Variants in TRDN observed in about 807,000 individuals in gnomAD.
The protein encoded by TRDN is triadin in skeletal muscle.
A neutral mutation model predicts 149.7 loss-of-function variants in TRDN; 161 were observed. That is an observed-to-expected ratio of 1.08 (90% CI 0.95 to 1.23). TRDN has a LOEUF of 1.23. Ranked by LOEUF, TRDN falls within the 50% of genes most tolerant of loss-of-function variation. The pLI is 0.00. For missense variants in TRDN, 896 were observed against 823.5 expected (o/e 1.09, Z -1.08); for synonymous variants, 294 against 250.5 (o/e 1.17, Z -1.64).
intron 12 of TRDN, chr6:123,437,253 T>C (rs1466796092): frequency 4.3e-6 from 1 of 231,292 alleles, no homozygotes; most frequent in African/African-American, 2.3e-5. Context: ...GTCCTCACCT[T>C]GATTAAACTT....
rs545593157 is a variant in TRDN at position 123,234,041 on chromosome 6, A to C, written c.1976-9910T>G. ...TGAATATTATTATTCAAAATTTAAA[A>C]ATAAAGCTATTGAAGCACAAAAATG... On this transcript the variant is annotated intron_variant, in intron 38 of 40. Coordinates refer to ENST00000334268, the MANE Select transcript of TRDN (RefSeq NM_006073.4). 2.6e-4 allele frequency among the ~76,000 whole-genome samples: 40 copies of C among 152,172 alleles called. 1 individual carries two copies. In the South Asian group the frequency reaches 8.3e-3, roughly 32 times the overall value.
chr6:123,235,047 G>A (rs1775735279), intron 38 of TRDN, among the ~76,000 whole-genome samples: 1 of 151,984 alleles, frequency 6.6e-6, no homozygotes, highest in Non-Finnish European at 1.5e-5. Context: ...GGATAGAATA[G>A]GTAGACAGCA....
chr6:123,478,257 A>G (rs1486229688), intron 9 of TRDN, among the ~76,000 whole-genome samples: 1 of 152,166 alleles, frequency 6.6e-6, no homozygotes, highest in Non-Finnish European at 1.5e-5. Flanking sequence ...AAGAAAAATC[A>G]CACATTTTTT....
intron 9 of TRDN, among the ~76,000 whole-genome samples, chr6:123,484,911 T>G (rs1023303133): frequency 1.2e-4 from 18 of 152,182 alleles, no homozygotes; most frequent in Admixed American, 1.0e-3. Context: ...CTGAAGCATT[T>G]TATCACAATG....
chr6:123,244,448 T>C (rs1302461708), intron 38 of TRDN, among the ~76,000 whole-genome samples: 3 of 152,000 alleles, frequency 2.0e-5, no homozygotes, highest in Non-Finnish European at 2.9e-5. Context: ...TCCTGAAGCA[T>C]ACACAAGTAT....
chr6:123,567,374 T>C (rs1390245351), intron 2 of TRDN, among the ~76,000 whole-genome samples: 1 of 152,240 alleles, frequency 6.6e-6, no homozygotes, highest in Admixed American at 6.5e-5. Flanking sequence ...ACCAATGGTA[T>C]GCTGGCAGAG....
intron 12 of TRDN, among the ~76,000 whole-genome samples, chr6:123,399,030 T>C (rs936400535): frequency 3.9e-5 from 6 of 152,192 alleles, no homozygotes; most frequent in African/African-American, 1.4e-4. Flanking sequence ...AACTTAGCAT[T>C]ATAGTGTTTA....
At chr6:123,607,589 A>G (rs1784581187) in intron 1 of TRDN, among the ~76,000 whole-genome samples, 2 of 152,136 alleles carry the variant, frequency 1.3e-5, no homozygotes, top group African/African-American at 4.8e-5. Context: ...GAATTTACAA[A>G]CATGTCATTT....
chr6:123,232,724 G>T (rs1269353959), intron 38 of TRDN, among the ~76,000 whole-genome samples: 7 of 151,964 alleles, frequency 4.6e-5, no homozygotes, highest in Non-Finnish European at 1.0e-4. Flanking sequence ...ATATACAAAA[G>T]AGTAAAAAGA....
intron 1 of TRDN, among the ~76,000 whole-genome samples, chr6:123,589,620 C>T (rs1783684439): frequency 6.6e-6 from 1 of 152,146 alleles, no homozygotes; most frequent in Admixed American, 6.5e-5. Context: ...TTAATCATTT[C>T]CTGCTGCTTT....
intron 20 of TRDN, among the ~76,000 whole-genome samples, chr6:123,360,021 T>C (rs1276270724): frequency 6.6e-6 from 1 of 152,040 alleles, no homozygotes; most frequent in Non-Finnish European, 1.5e-5. Flanking sequence ...TTTTAATTTA[T>C]TTTTTATTAT....
Position 123,454,884 on chromosome 6 carries a change from G to A in TRDN, c.931+10022C>T, listed in dbSNP as rs541633339. On this transcript the variant is annotated intron_variant, in intron 10 of 40. Coordinates refer to ENST00000334268, the MANE Select transcript of TRDN (RefSeq NM_006073.4). ...TGTCCCCGGGAAAATTGTCTTCCAGGAACCAGGTTCCTGGTGCCAAAAAGG... is the reference window on the plus strand; with the variant it reads ...TGTCCCCGGGAAAATTGTCTTCCAGAAACCAGGTTCCTGGTGCCAAAAAGG... Among the ~76,000 whole-genome samples the A allele has an allele frequency of 2.0e-5, 3 of 152,298 alleles. 1 individual carries two copies. In the South Asian group the frequency reaches 6.2e-4, roughly 32 times the overall value.
intron 9 of TRDN, among the ~76,000 whole-genome samples, chr6:123,465,744 G>A (rs2114713637): frequency 6.6e-6 from 1 of 152,158 alleles, no homozygotes; most frequent in South Asian, 2.1e-4. Flanking sequence ...TAAATTGCTT[G>A]CAAAACATTT....
chr6:123,398,040 C>A (rs1467011325), intron 12 of TRDN, among the ~76,000 whole-genome samples: 1 of 152,152 alleles, frequency 6.6e-6, no homozygotes, highest in African/African-American at 2.4e-5. Context: ...TGTCTCACTC[C>A]GTCGCCCAGG....
intron 12 of TRDN, among the ~76,000 whole-genome samples, chr6:123,398,760 T>A (rs1371711325): frequency 2.0e-5 from 3 of 152,180 alleles, no homozygotes; most frequent in Non-Finnish European, 4.4e-5. Context: ...CCTTTGGCCA[T>A]CCTGTGTGAC....
At chr6:123,413,847 T>C (rs1392244162) in intron 12 of TRDN, among the ~76,000 whole-genome samples, 1 of 152,088 alleles carries the variant, frequency 6.6e-6, no homozygotes, top group East Asian at 1.9e-4. Context: ...AAATGCAAAA[T>C]CTTTTTAGTA....
At chr6:123,221,552 A>C in intron 39 of TRDN, 30 bp from the exon 40 acceptor site, 1 of 1,452,610 alleles carries the variant, frequency 6.9e-7, no homozygotes, top group Non-Finnish European at 9.5e-7. Context: ...AAAGTAAATA[A>C]CTTGTACATT....
chr6:123,392,919 T>C (rs1582960681), intron 13 of TRDN, among the ~76,000 whole-genome samples: 1 of 152,058 alleles, frequency 6.6e-6, no homozygotes, highest in Admixed American at 6.6e-5. Flanking sequence ...CCTTTATTGC[T>C]TGATATTATA....
intron 11 of TRDN, 105 bp downstream of exon 11, chr6:123,438,839 G>C: frequency 1.2e-6 from 1 of 812,356 alleles, no homozygotes; most frequent in Non-Finnish European, 1.9e-6. Context: ...CAATGACAAT[G>C]CATTTATTAA....
Sources: allele counts gnomAD v4.1 joint callset (sites outside exome capture counted in the v4.1 genomes callset), GRCh38; gene constraint gnomAD v4.1.1; transcripts MANE v1.5; gene names NCBI Gene and HGNC (gene_info 2026-07-23, HGNC 2026-07-21).